CD200R1: variants seen among roughly 807,000 people sequenced by gnomAD.
CD200R1 encodes CD200 receptor 1, also known as cell surface glycoprotein CD200 receptor 1.
A neutral mutation model predicts 38.1 loss-of-function variants in CD200R1; 30 were observed. The observed-to-expected ratio is 0.79, with a 90% CI of 0.59 to 1.07. CD200R1 has a LOEUF of 1.07. CD200R1 is among the 50% of genes least tolerant of loss of function. The pLI is 0.00. For missense variants in CD200R1, 372 were observed against 415.4 expected (o/e 0.90, Z 0.91); for synonymous variants, 128 against 152.1 (o/e 0.84, Z 1.16).
chr3:112,957,543 C>G (rs1291120975), intron 1 of CD200R1, among the ~76,000 whole-genome samples: 6 of 152,050 alleles, frequency 3.9e-5, no homozygotes, highest in Admixed American at 3.9e-4. Flanking sequence ...TGTAATACCC[C>G]TAGAAGAATA....
At chr3:112,971,671 A>C (rs1346099786) in intron 1 of CD200R1, among the ~76,000 whole-genome samples, 2 of 152,198 alleles carry the variant, frequency 1.3e-5, no homozygotes, top group Non-Finnish European at 2.9e-5. Context: ...TGTTCACCAA[A>C]GAACAGGTGG....
rs1032305427 is a variant in CD200R1, at chr3:112,925,068, C to A, written c.878+17G>T. On this transcript the variant is annotated intron_variant, in intron 6 of 7. Transcript: ENST00000308611. Reference sequence around the variant, plus strand: ...CTAATAAAGCTGAAGAAGAAAAAAACATTCATTAGTCAATACCTGCAGCCA... The same window carrying A: ...CTAATAAAGCTGAAGAAGAAAAAAAAATTCATTAGTCAATACCTGCAGCCA... 3 of 1,429,694 alleles carry A rather than the reference C, an allele frequency of 2.1e-6. No homozygotes were observed. In the African/African-American group the frequency reaches 4.2e-5, roughly 20 times the overall value. The allele number at this position is 1,429,694 out of a possible 1,614,324, so 88.6% of individuals were successfully genotyped here.
At chr3:112,928,715 G>A (rs1940337329) in intron 5 of CD200R1, 101 bp downstream of exon 5, 6 of 857,682 alleles carry the variant, frequency 7.0e-6, no homozygotes, top group Non-Finnish European at 8.9e-6. Flanking sequence ...GAAGAGTGGG[G>A]AGAGCATCCT....
Position 112,953,493 on chromosome 3 carries a change from G to A in CD200R1, c.68-5569C>T, listed in dbSNP as rs180880307. ...AAAATGACTTTGGAAGTATTCCTTC[G>A]TCTTCAATTTTTGGAAGAATGAAAA... On this transcript the variant is annotated intron_variant, in intron 1 of 7. Coordinates refer to ENST00000308611, the MANE Select transcript of CD200R1 (RefSeq NM_138806.4). Among the ~76,000 whole-genome samples, 133 of 152,236 alleles carry A rather than the reference G, an allele frequency of 8.7e-4. 1 individual carries two copies. Among genetic ancestry groups the A allele is most frequent in the Non-Finnish European group, 2.4e-4 (16 of 68,020 alleles).
chr3:112,923,680 T>C lies in CD200R1; in HGVS notation c.1044A>G (p.Leu348=), dbSNP rs769273580. 75 of 1,479,166 alleles carry C rather than the reference T, an allele frequency of 5.1e-5. No individual in the cohort carries two copies. The highest frequency in any genetic ancestry group is 6.1e-5 in the Non-Finnish European group (65 of 1,065,194). The allele number at this position is 1,479,166 out of a possible 1,614,324, so 91.6% of individuals were successfully genotyped here. ...QSEVDTDLHT[L] ...CTTGGTACTAGAGTCCAACAACTTA[T>C]AAAGTATGGAGGTCTGTGTCAACTT... The change falls in exon 8 of 8, where the codon TTA becomes TTG. Residue 348 remains leucine (L), a synonymous_variant. Coordinates refer to ENST00000308611, the MANE Select transcript of CD200R1 (RefSeq NM_138806.4).
intron 2 of CD200R1, among the ~76,000 whole-genome samples, chr3:112,946,052 A>AAAAT (rs1250125281): frequency 7.1e-6 from 1 of 140,232 alleles, no homozygotes; most frequent in Non-Finnish European, 1.7e-5. Flanking sequence ...AAAAAAAAAA[A>AAAAT]GGAGAACGAA....
intron 3 of CD200R1, 81 bp from the exon 4 acceptor site, chr3:112,929,588 A>G (rs1940377373): frequency 8.1e-7 from 1 of 1,238,886 alleles, no homozygotes; most frequent in Non-Finnish European, 1.1e-6. Flanking sequence ...ATATGAAGTT[A>G]CACTAGAACA....
rs996614768 is a variant in CD200R1 at position 112,922,990 on chromosome 3, C to T, written c.*687G>A. On this transcript the variant is annotated 3_prime_UTR_variant, in exon 8 of 8. Transcript: ENST00000308611. The stretch of plus-strand genomic sequence containing the variant: ...AAGAGATATATGCACAAGAAACATT[C>T]TATGTGGTATTGTTTATACCACAAA... 5.3e-5 allele frequency: 8 copies of T among 151,926 alleles called. No individual in the cohort carries two copies. The highest frequency in any genetic ancestry group is 5.3e-4 in the Admixed American group (8 of 15,220). 9.4% of individuals were successfully genotyped at this position (151,926 alleles called of 1,614,324 possible). A position where few individuals can be genotyped will look rare whatever the true frequency, so the allele number is the denominator to read the frequency against.
Position 112,922,042 on chromosome 3 carries a change from T to C in CD200R1, c.*1635A>G, listed in dbSNP as rs1940180112. ...TTATATGCAGAAACCTAATGGACAC[T>C]GCTTTTTGGTCAAGTCAAAATGGCT... On this transcript the variant is annotated 3_prime_UTR_variant, in exon 8 of 8. Coordinates refer to ENST00000308611, the MANE Select transcript of CD200R1 (RefSeq NM_138806.4). 1 of 152,182 alleles carries C rather than the reference T, an allele frequency of 6.6e-6. No individual in the cohort carries two copies. The highest frequency in any genetic ancestry group is 2.1e-4 in the South Asian group (1 of 4,830). The allele number at this position is 152,182 out of a possible 1,614,324, so 9.4% of individuals were successfully genotyped here.
At chr3:112,969,829 A>T (rs1933257078) in intron 1 of CD200R1, among the ~76,000 whole-genome samples, 2 of 152,162 alleles carry the variant, frequency 1.3e-5, no homozygotes, top group South Asian at 2.1e-4. Flanking sequence ...TGCAACAGCA[A>T]CAATAACTCA....
intron 1 of CD200R1, among the ~76,000 whole-genome samples, chr3:112,964,403 C>T (rs1933104528): frequency 6.6e-6 from 1 of 152,202 alleles, no homozygotes; most frequent in Non-Finnish European, 1.5e-5. Flanking sequence ...GCCACAGGGG[C>T]AGAGCTACCC....
chr3:112,942,707 T>A (rs1010102112), intron 2 of CD200R1, among the ~76,000 whole-genome samples: 1 of 151,564 alleles, frequency 6.6e-6, no homozygotes, highest in Non-Finnish European at 1.5e-5. Context: ...AGACCAATTA[T>A]ATGTTGTCTA....
In CD200R1 at chr3:112,922,888, TCAATAGTAAAATG is replaced by T. The variant is rs1940203021; in HGVS notation, c.*776_*788del. On this transcript the variant is annotated 3_prime_UTR_variant, in exon 8 of 8. Transcript: ENST00000308611. The stretch of plus-strand genomic sequence containing the variant: ...TATTTGACACAATTTAACATATATA[TCAATAGTAAAATG>T]CACAAACCCTTTGACCTGACAATTC... 6.6e-6 allele frequency: 1 copy of T among 151,804 alleles called. No homozygotes were observed. The highest frequency in any genetic ancestry group is 2.4e-5 in the African/African-American group (1 of 41,396). 9.4% of individuals were successfully genotyped at this position (151,804 alleles called of 1,614,324 possible). A position where few individuals can be genotyped will look rare whatever the true frequency, so the allele number is the denominator to read the frequency against.
intron 1 of CD200R1, among the ~76,000 whole-genome samples, chr3:112,951,217 G>A (rs1055682031): frequency 6.6e-6 from 1 of 152,074 alleles, no homozygotes; most frequent in Non-Finnish European, 1.5e-5. Context: ...AAGGAAAAAT[G>A]AGGGAATATT....
rs200635817 is a variant in CD200R1 at position 112,928,778 on chromosome 3, G to A, written c.769+38C>T. ...TTTTTCTTAACTCTTTTAAAAGAAT[G>A]GAAAAAAATAAAAAATAAAACTAAA... is the stretch of plus-strand genomic sequence containing the variant. On this transcript the variant is annotated intron_variant, in intron 5 of 7. Coordinates refer to ENST00000308611, the MANE Select transcript of CD200R1 (RefSeq NM_138806.4). 6 of 1,484,660 alleles carry A rather than the reference G, an allele frequency of 4.0e-6. No individual in the cohort carries two copies. In the Admixed American group the frequency reaches 9.6e-5, roughly 24 times the overall value. 92.0% of individuals were successfully genotyped at this position (1,484,660 alleles called of 1,614,324 possible).
At chr3:112,946,552 A>G (rs1185134777) in intron 2 of CD200R1, among the ~76,000 whole-genome samples, 2 of 152,236 alleles carry the variant, frequency 1.3e-5, no homozygotes, top group Non-Finnish European at 2.9e-5. Context: ...GAAAATGTAC[A>G]TATTTATGGA....
chr3:112,944,577 T>G (rs1425238193), intron 2 of CD200R1, among the ~76,000 whole-genome samples: 1 of 152,046 alleles, frequency 6.6e-6, no homozygotes, highest in African/African-American at 2.4e-5. Flanking sequence ...AGATGACTCT[T>G]TTCACCACTG....
chr3:112,933,464 G>A (rs543792188), intron 2 of CD200R1, among the ~76,000 whole-genome samples: 1 of 152,144 alleles, frequency 6.6e-6, no homozygotes, highest in Non-Finnish European at 1.5e-5. Context: ...AACATCACTA[G>A]AATGGATTAC....
chr3:112,969,213 G>A (rs1380587442), intron 1 of CD200R1, among the ~76,000 whole-genome samples: 1 of 152,000 alleles, frequency 6.6e-6, no homozygotes, highest in Non-Finnish European at 1.5e-5. Flanking sequence ...AGAATGAAGA[G>A]GAGAAAGGAA....
Sources: allele counts gnomAD v4.1 joint callset (sites outside exome capture counted in the v4.1 genomes callset), GRCh38; gene constraint gnomAD v4.1.1; transcripts MANE v1.5; gene names NCBI Gene and HGNC (gene_info 2026-07-23, HGNC 2026-07-21).